The following SLC25A42 variants were observed in gnomAD, a reference collection of about 807,000 sequenced individuals.
The protein encoded by SLC25A42 is mitochondrial coenzyme A transporter SLC25A42.
In SLC25A42, 19 loss-of-function variants were observed where a neutral mutation model predicts 34.7. The ratio of observed to expected loss-of-function variants is 0.55; its 90% CI spans 0.38 to 0.80. SLC25A42 has a LOEUF of 0.80. Among genes scored for constraint, SLC25A42 ranks in the 30% least tolerant of loss-of-function variants. The pLI, the probability that SLC25A42 is intolerant of heterozygous loss-of-function variation, is 0.00. For synonymous variants in SLC25A42, 205 were observed against 191.2 expected (o/e 1.07, Z -0.59); for missense variants, 364 against 441.3 (o/e 0.82, Z 1.57).
chr19:19,110,554 C>A lies in SLC25A42; in HGVS notation c.650-15C>A. 7.2e-7 allele frequency: 1 copy of A among 1,384,392 alleles called. No individual in the cohort carries two copies. The highest frequency in any genetic ancestry group is 9.3e-7 in the Non-Finnish European group (1 of 1,076,926). The allele number at this position is 1,384,392 out of a possible 1,614,324, so 85.8% of individuals were successfully genotyped here. ...TCGCGGCGCCTTCACGGCCCTCCCG[C>A]CCCTCGCCCTGCAGAGTACAGCGGC... On this transcript the variant is annotated splice_polypyrimidine_tract_variant and intron_variant, in intron 7 of 7. Coordinates refer to ENST00000318596, the MANE Select transcript of SLC25A42 (RefSeq NM_178526.5).
At chr19:19,076,828 C>T (rs1400441902) in intron 1 of SLC25A42, among the ~76,000 whole-genome samples, 1 of 152,134 alleles carries the variant, frequency 6.6e-6, no homozygotes, top group African/African-American at 2.4e-5. Context: ...GATATACCCC[C>T]TAGAGGTAAC....
Position 19,094,649 on chromosome 19 carries a change from TG to T in SLC25A42, c.-34-1441del, listed in dbSNP as rs531907420. ...GTGTAGCAGAATCCCAAGTGCACTT[TG>T]TACAGCGTCACTCACCGGCACTGAT... On this transcript the variant is annotated intron_variant, in intron 1 of 7. Transcript: ENST00000318596. Among the ~76,000 whole-genome samples the T allele has an allele frequency of 2.8e-3, 421 of 152,342 alleles. 2 individuals carry two copies. Among genetic ancestry groups the T allele is most frequent in the African/African-American group, 9.6e-3 (399 of 41,580 alleles).
chr19:19,095,221 A>AG lies in SLC25A42; in HGVS notation c.-34-870_-34-869insG, dbSNP rs1281164124. Among the ~76,000 whole-genome samples, 14 of 150,422 alleles carry AG rather than the reference A, an allele frequency of 9.3e-5. No individual in the cohort carries two copies. The East Asian group carries it at 2.5e-3, about 27-fold the overall frequency. ...GTCAAAGCAAAAACAAAAACAAAAAAAAACACCCTTAGCTGACCAAGTGGG... is the reference window on the plus strand; with the variant it reads ...GTCAAAGCAAAAACAAAAACAAAAAAGAAACACCCTTAGCTGACCAAGTGGG... On this transcript the variant is annotated intron_variant, in intron 1 of 7. Coordinates refer to ENST00000318596, the MANE Select transcript of SLC25A42 (RefSeq NM_178526.5).
rs2059868207 is a variant in SLC25A42 at position 19,111,956 on chromosome 19, G to GA, written c.*1084dup. The GA allele has an allele frequency of 6.6e-6, 1 of 152,170 alleles. No homozygotes were observed. The highest frequency in any genetic ancestry group is 6.5e-5 in the Admixed American group (1 of 15,276). 9.4% of individuals were successfully genotyped at this position (152,170 alleles called of 1,614,324 possible). ...GTATAGCTTGGGGGTGGGAGGTGAGGAAAATCTGAGGTACCCAGGGGAACC... is the reference window on the plus strand; with the variant it reads ...GTATAGCTTGGGGGTGGGAGGTGAGGAAAAATCTGAGGTACCCAGGGGAACC... On this transcript the variant is annotated 3_prime_UTR_variant, in exon 8 of 8. Transcript: ENST00000318596.
chr19:19,070,355 T>C (rs2059623357), intron 1 of SLC25A42, among the ~76,000 whole-genome samples: 1 of 141,786 alleles, frequency 7.1e-6, no homozygotes, highest in Non-Finnish European at 1.5e-5. Context: ...TGGAGTACAA[T>C]GGTGTGATCT....
intron 1 of SLC25A42, among the ~76,000 whole-genome samples, chr19:19,086,456 G>A (rs563323634): frequency 6.6e-6 from 1 of 152,290 alleles, no homozygotes; most frequent in South Asian, 2.1e-4. Context: ...TAAGTTTCCT[G>A]TGGGGAGATG....
At position 19,110,823 on chromosome 19, in the gene SLC25A42, A is replaced by T. The variant is rs1431371391; in HGVS notation, c.904A>T (p.Ser302Cys). The change falls in exon 8 of 8, where the codon AGC (serine) becomes TGC (cysteine). Residue 302 changes from serine to cysteine, a missense_variant. Ser to Cys is a moderately radical substitution (Grantham distance 112). Coordinates refer to ENST00000318596, the MANE Select transcript of SLC25A42 (RefSeq NM_178526.5). Reference protein sequence around the residue: ...WVKGPIAVGISFTTFDLMQIL... With the variant: ...WVKGPIAVGICFTTFDLMQIL... ...CAAGGGTCCCATCGCCGTGGGCATC[A>T]GCTTCACCACCTTCGACCTCATGCA... The T allele has an allele frequency of 1.2e-6, 2 of 1,613,948 alleles. No individual in the cohort carries two copies. Among genetic ancestry groups the T allele is most frequent in the South Asian group, 2.2e-5 (2 of 91,090 alleles).
intron 3 of SLC25A42, among the ~76,000 whole-genome samples, chr19:19,102,227 T>C (rs1299853870): frequency 6.6e-6 from 1 of 151,836 alleles, no homozygotes; most frequent in Non-Finnish European, 1.5e-5. Context: ...GACAGGATGG[T>C]CTTGATCTCC....
At chr19:19,067,016 T>C (rs2059606181) in intron 1 of SLC25A42, among the ~76,000 whole-genome samples, 1 of 103,080 alleles carries the variant, frequency 9.7e-6, no homozygotes, top group African/African-American at 4.1e-5. Context: ...AGCTAGACCC[T>C]GTCTCAAAAA....
At chr19:19,077,045 A>G (rs921582510) in intron 1 of SLC25A42, among the ~76,000 whole-genome samples, 2 of 152,072 alleles carry the variant, frequency 1.3e-5, no homozygotes, top group African/African-American at 4.8e-5. Context: ...TTAGCTGCGC[A>G]TGGTGGCCCA....
intron 1 of SLC25A42, among the ~76,000 whole-genome samples, chr19:19,074,794 G>T (rs963209668): frequency 6.6e-6 from 1 of 151,984 alleles, no homozygotes; most frequent in African/African-American, 2.4e-5. Flanking sequence ...TATGTATTAG[G>T]ATAGCCTGTG....
intron 1 of SLC25A42, among the ~76,000 whole-genome samples, chr19:19,089,150 C>T (rs2059724340): frequency 6.6e-6 from 1 of 152,198 alleles, no homozygotes; most frequent in Non-Finnish European, 1.5e-5. Context: ...TCTTTCTGTA[C>T]TTCCTGAAAC....
chr19:19,089,490 T>G (rs1397511251), intron 1 of SLC25A42, among the ~76,000 whole-genome samples: 1 of 150,680 alleles, frequency 6.6e-6, no homozygotes, highest in Non-Finnish European at 1.5e-5. Context: ...ATCGCAGCAG[T>G]GCACTCCAGC....
chr19:19,107,867 A>G (rs2059840824), intron 6 of SLC25A42, 27 bp from the exon 7 acceptor site: 2 of 1,613,096 alleles, frequency 1.2e-6, no homozygotes, highest in Admixed American at 1.7e-5. Context: ...CCTGAGTCCC[A>G]CCTGCTGGGC....
rs78796446 is a variant in SLC25A42 at position 19,077,526 on chromosome 19, C to A, written c.-35+13411C>A. ...TCCCCAGGGTCCATCCGTGTGGCAGCAGTTATCGACATTTGGATGTGTATA... is the reference window on the plus strand; with the variant it reads ...TCCCCAGGGTCCATCCGTGTGGCAGAAGTTATCGACATTTGGATGTGTATA... On this transcript the variant is annotated intron_variant, in intron 1 of 7. Transcript: ENST00000318596. Among the ~76,000 whole-genome samples, 1,478 of 152,264 alleles carry A rather than the reference C, an allele frequency of 9.7e-3. 67 individuals carry two copies. Among genetic ancestry groups the A allele is most frequent in the Admixed American group, 0.066 (1,008 of 15,278 alleles).
At chr19:19,103,883 GCCTTATTT>G in intron 3 of SLC25A42, among the ~76,000 whole-genome samples, 1 of 113,948 alleles carries the variant, frequency 8.8e-6, no homozygotes, top group South Asian at 3.2e-4. Flanking sequence ...GAAAGGGACA[GCCTTATTT>G]ATTTATTTAT....
rs1208995787 is a variant in SLC25A42 at position 19,109,557 on chromosome 19, A to G, written c.650-1012A>G. ...GCCATTCTCCTGCCTCAGCCTCCCTAGTAGCTGGGATTACAGGCGCCCACC... is the reference window on the plus strand; with the variant it reads ...GCCATTCTCCTGCCTCAGCCTCCCTGGTAGCTGGGATTACAGGCGCCCACC... On this transcript the variant is annotated intron_variant, in intron 7 of 7. Transcript: ENST00000318596. The surrounding 1 kb of genome is among the most constrained non-coding windows in gnomAD (Gnocchi z 4.1). Among the ~76,000 whole-genome samples the G allele has an allele frequency of 6.6e-6, 1 of 151,660 alleles. No homozygotes were observed. Among genetic ancestry groups the G allele is most frequent in the African/African-American group, 2.4e-5 (1 of 41,258 alleles).
At chr19:19,101,381 AC>A (rs1216367318) in intron 2 of SLC25A42, among the ~76,000 whole-genome samples, 1 of 151,788 alleles carries the variant, frequency 6.6e-6, no homozygotes, top group Non-Finnish European at 1.5e-5. Flanking sequence ...CCCACTGCCA[AC>A]CCCCTGACCC....
At chr19:19,104,519 C>A (rs1326684705) in intron 3 of SLC25A42, among the ~76,000 whole-genome samples, 3 of 152,146 alleles carry the variant, frequency 2.0e-5, no homozygotes, top group African/African-American at 7.2e-5. Context: ...GGCAGGATAG[C>A]GGTGCCTGTG....
Sources: allele counts gnomAD v4.1 joint callset (sites outside exome capture counted in the v4.1 genomes callset), GRCh38; gene constraint gnomAD v4.1.1; non-coding constraint Gnocchi (gnomAD v3.1); transcripts MANE v1.5; gene names NCBI Gene and HGNC (gene_info 2026-07-23, HGNC 2026-07-21).